TENM3: variants seen among roughly 807,000 people sequenced by gnomAD.
The protein encoded by TENM3 is teneurin-3.
A neutral mutation model predicts 255.1 loss-of-function variants in TENM3; 63 were observed. The observed-to-expected ratio is 0.25, with a 90% CI of 0.20 to 0.30. TENM3 has a LOEUF of 0.30. Among genes scored for constraint, TENM3 ranks in the 10% least tolerant of loss-of-function variants. The probability of loss-of-function intolerance (pLI) is 1.00; values close to 1 mark genes in which losing one functional copy is unlikely to be tolerated. For synonymous variants in TENM3, 1,306 were observed against 1,322.3 expected, an observed-to-expected ratio of 0.99 and a Z score of 0.27; for missense variants, 2,929 against 3,461.1, an observed-to-expected ratio of 0.85 and a Z score of 3.86.
chr4:181,568,629 C>T, the TENM3 span, among the ~76,000 whole-genome samples: 1 of 152,176 alleles, frequency 6.6e-6, no homozygotes, highest in Non-Finnish European at 1.5e-5. Flanking sequence ...CTTTATTCCC[C>T]CTGGAACTGT....
chr4:181,911,546 A>C, the TENM3 span, among the ~76,000 whole-genome samples: 1 of 152,214 alleles, frequency 6.6e-6, no homozygotes, highest in Admixed American at 6.5e-5. Flanking sequence ...AGCAGCTGGC[A>C]GCCTGGGATT....
At chr4:181,855,950 G>A in the TENM3 span, among the ~76,000 whole-genome samples, 7 of 142,406 alleles carry the variant, frequency 4.9e-5, no homozygotes, top group Admixed American at 4.5e-4. Flanking sequence ...GAAGAAAGAA[G>A]GAAGGAACAA....
intron 3 of TENM3, among the ~76,000 whole-genome samples, chr4:182,404,284 T>C (rs575959712): frequency 6.6e-6 from 1 of 152,300 alleles, no homozygotes; most frequent in African/African-American, 2.4e-5. Context: ...AATCTATGAA[T>C]GGTTAACAGA....
intron 22 of TENM3, among the ~76,000 whole-genome samples, chr4:182,766,473 A>C (rs1763729194): frequency 6.6e-6 from 1 of 152,178 alleles, no homozygotes; most frequent in African/African-American, 2.4e-5. Flanking sequence ...TAATTCTGGA[A>C]TGCCCTGACT....
At chr4:181,796,630 G>GAATT in the TENM3 span, among the ~76,000 whole-genome samples, 1 of 152,152 alleles carries the variant, frequency 6.6e-6, no homozygotes, top group African/African-American at 2.4e-5. Context: ...AGGCGAAGTA[G>GAATT]AATTAATCAG....
intron 6 of TENM3, among the ~76,000 whole-genome samples, chr4:182,660,125 T>G (rs534922272): frequency 2.6e-5 from 4 of 152,316 alleles, no homozygotes; most frequent in South Asian, 2.1e-4. Context: ...TGAAAAATGT[T>G]TATGGTTGTC....
chr4:181,651,972 A>C, the TENM3 span, among the ~76,000 whole-genome samples: 5,616 of 152,236 alleles, frequency 0.037, 155 homozygotes, highest in South Asian at 0.13. Context: ...TAAAGATATT[A>C]GCTTTCAATT....
At chr4:182,309,370 C>T (rs1200051347) in intron 1 of TENM3, among the ~76,000 whole-genome samples, 1 of 152,108 alleles carries the variant, frequency 6.6e-6, no homozygotes, top group Non-Finnish European at 1.5e-5. Context: ...AGTAATTTTG[C>T]CTGTGGGTAA....
chr4:182,206,811 C>A (rs2149861531), intron 1 of TENM3, among the ~76,000 whole-genome samples: 1 of 152,256 alleles, frequency 6.6e-6, no homozygotes, highest in South Asian at 2.1e-4. Flanking sequence ...ATCTGGGGGA[C>A]TTCATTCTAG....
chr4:182,379,791 T>G (rs1767443585), intron 3 of TENM3, among the ~76,000 whole-genome samples: 2 of 152,160 alleles, frequency 1.3e-5, no homozygotes, highest in Non-Finnish European at 2.9e-5. Flanking sequence ...TCTGGGGCCT[T>G]AGACAGTTTT....
chr4:181,681,062 C>A, the TENM3 span, among the ~76,000 whole-genome samples: 2 of 151,912 alleles, frequency 1.3e-5, no homozygotes, highest in Admixed American at 6.6e-5. Flanking sequence ...TTTATACATT[C>A]TTTTAGCTAA....
chr4:182,628,412 A>G (rs1317549775), intron 4 of TENM3, among the ~76,000 whole-genome samples: 1 of 152,192 alleles, frequency 6.6e-6, no homozygotes, highest in Non-Finnish European at 1.5e-5. Context: ...GATCATTTAT[A>G]TGTATAAATC....
the TENM3 span, among the ~76,000 whole-genome samples, chr4:182,038,334 G>A: frequency 6.6e-6 from 1 of 152,114 alleles, no homozygotes; most frequent in Non-Finnish European, 1.5e-5. Flanking sequence ...ATAAATAATT[G>A]TAATTTAGGA....
At chr4:182,780,907 G>C (rs1459081612) in intron 24 of TENM3, among the ~76,000 whole-genome samples, 1 of 150,886 alleles carries the variant, frequency 6.6e-6, no homozygotes, top group Non-Finnish European at 1.5e-5. Context: ...GATTGATTTT[G>C]TATCCTGAGA....
chr4:181,695,906 G>A, the TENM3 span, among the ~76,000 whole-genome samples: 3 of 152,068 alleles, frequency 2.0e-5, no homozygotes, highest in African/African-American at 7.2e-5. Context: ...TATAGGCTAA[G>A]TGCTTTCTAG....
At chr4:182,555,403 G>GA (rs575634809) in intron 3 of TENM3, among the ~76,000 whole-genome samples, 44 of 151,710 alleles carry the variant, frequency 2.9e-4, no homozygotes, top group African/African-American at 4.8e-4. Context: ...GTATAATTGT[G>GA]AAAAAAAATA....
chr4:181,812,686 CT>C, the TENM3 span, among the ~76,000 whole-genome samples: 1 of 152,122 alleles, frequency 6.6e-6, no homozygotes, highest in East Asian at 1.9e-4. Flanking sequence ...GACAGCTGAG[CT>C]GGGGTCTTTG....
chr4:182,546,403 G>T (rs1348229532), intron 3 of TENM3, among the ~76,000 whole-genome samples: 1 of 152,004 alleles, frequency 6.6e-6, no homozygotes, highest in East Asian at 1.9e-4. Context: ...AATATTTGTT[G>T]AATCCTTGAC....
the TENM3 span, among the ~76,000 whole-genome samples, chr4:181,915,391 A>G: frequency 2.6e-3 from 403 of 152,282 alleles, 4 homozygotes; most frequent in Middle Eastern, 0.01. Context: ...TGTGCTCAGT[A>G]TGGGGAATTT....
Sources: allele counts gnomAD v4.1 joint callset (sites outside exome capture counted in the v4.1 genomes callset), GRCh38; gene constraint gnomAD v4.1.1; transcripts MANE v1.5; gene names NCBI Gene and HGNC (gene_info 2026-07-23, HGNC 2026-07-21).